VRK2: variants seen among roughly 807,000 people sequenced by gnomAD.
VRK2 encodes the protein VRK serine/threonine kinase 2.
Under a neutral mutation model 57.6 loss-of-function variants are expected in VRK2, and 60 were observed. The observed-to-expected ratio is 1.04, with a 90% confidence interval of 0.85 to 1.29. The LOEUF (loss-of-function observed/expected upper bound fraction) is 1.29, where lower values mean the gene tolerates loss of function less well. Among genes scored for constraint, VRK2 ranks in the 50% most tolerant of loss-of-function variants. The pLI, the probability that VRK2 is intolerant of heterozygous loss-of-function variation, is 0.00. For missense variants in VRK2, 705 were observed against 588.1 expected (o/e 1.20, Z -2.06); for synonymous variants, 231 against 199.2 (o/e 1.16, Z -1.35).
intron 1 of VRK2, among the ~76,000 whole-genome samples, chr2:57,923,415 AG>A (rs1257357370): frequency 6.6e-6 from 1 of 151,940 alleles, no homozygotes; most frequent in African/African-American, 2.4e-5. Context: ...TTTAGATAAA[AG>A]TCATTTTAAC....
chr2:58,047,161 G>C (rs1481362335), intron 1 of VRK2: 1 of 303,976 alleles, frequency 3.3e-6, no homozygotes, highest in African/African-American at 2.3e-5. Flanking sequence ...CCGGTGCAGA[G>C]AGAACTTGTG....
At chr2:57,936,513 GTTTTGTTTTGTTT>G (rs1323702141) in intron 1 of VRK2, among the ~76,000 whole-genome samples, 4 of 140,958 alleles carry the variant, frequency 2.8e-5, no homozygotes, top group African/African-American at 1.1e-4. Context: ...TTTTTGTTTT[GTTTTGTTTTGTTT>G]TTTTGTTTTT....
chr2:58,109,610 C>G (rs2104401855), intron 7 of VRK2, among the ~76,000 whole-genome samples: 1 of 152,274 alleles, frequency 6.6e-6, no homozygotes, highest in South Asian at 2.1e-4. Context: ...GGGTGAAAAG[C>G]CCCTTATAAA....
At chr2:58,036,632 G>A (rs969369480) in intron 3 of VRK2, among the ~76,000 whole-genome samples, 1 of 151,820 alleles carries the variant, frequency 6.6e-6, no homozygotes, top group African/African-American at 2.4e-5. Context: ...CAAAAAAAAT[G>A]TAGTTTAGAA....
chr2:58,041,371 A>G (rs1377492748), intron 3 of VRK2, among the ~76,000 whole-genome samples: 3 of 152,188 alleles, frequency 2.0e-5, no homozygotes, highest in African/African-American at 7.2e-5. Context: ...AGCCAAGGAC[A>G]TTCCAAAGTT....
intron 7 of VRK2, among the ~76,000 whole-genome samples, chr2:58,103,158 C>T (rs971606892): frequency 6.6e-6 from 1 of 151,296 alleles, no homozygotes; most frequent in Non-Finnish European, 1.5e-5. Context: ...CCAAACATCA[C>T]ATCTCAAAAA....
chr2:57,956,424 T>C (rs1303123243), intron 1 of VRK2, among the ~76,000 whole-genome samples: 1 of 152,154 alleles, frequency 6.6e-6, no homozygotes, highest in African/African-American at 2.4e-5. Flanking sequence ...ATAGTATTCA[T>C]TCGTTTTGCA....
intron 8 of VRK2, among the ~76,000 whole-genome samples, chr2:58,130,617 G>A (rs1412784415): frequency 6.6e-6 from 1 of 152,146 alleles, no homozygotes; most frequent in African/African-American, 2.4e-5. Context: ...TGGCATCATT[G>A]TTCTTAGTAG....
At chr2:58,067,611 CTGGTTATTTTCTT>C (rs1274326164) in intron 2 of VRK2, among the ~76,000 whole-genome samples, 1 of 151,902 alleles carries the variant, frequency 6.6e-6, no homozygotes. Context: ...TCATTGACTT[CTGGTTATTTTCTT>C]TATAATTTTT....
intron 1 of VRK2, among the ~76,000 whole-genome samples, chr2:57,989,338 C>A (rs1255544145): frequency 1.3e-5 from 2 of 152,168 alleles, no homozygotes; most frequent in Admixed American, 6.5e-5. Context: ...GCTAAGCCTG[C>A]CATCTTGACA....
intron 8 of VRK2, among the ~76,000 whole-genome samples, chr2:58,125,717 A>G (rs1343615768): frequency 6.6e-6 from 1 of 152,148 alleles, no homozygotes; most frequent in African/African-American, 2.4e-5. Context: ...AGATACAGAT[A>G]TAAATATAGA....
intron 2 of VRK2, among the ~76,000 whole-genome samples, chr2:58,070,345 C>T (rs549521535): frequency 1.4e-4 from 21 of 151,920 alleles, no homozygotes; most frequent in Non-Finnish European, 3.1e-4. Flanking sequence ...CCACTGTGCC[C>T]AGGTTTTATG....
At chr2:58,134,000 A>G (rs1056770930) in intron 9 of VRK2, among the ~76,000 whole-genome samples, 9 of 152,092 alleles carry the variant, frequency 5.9e-5, no homozygotes, top group Non-Finnish European at 1.3e-4. Context: ...GGGCCCAGAG[A>G]GCAATACCCC....
At chr2:58,026,547 A>G (rs926397883) in intron 2 of VRK2, among the ~76,000 whole-genome samples, 4 of 152,158 alleles carry the variant, frequency 2.6e-5, no homozygotes, top group Non-Finnish European at 5.9e-5. Context: ...TGGCACGTGT[A>G]GCATTTTAAA....
intron 1 of VRK2, among the ~76,000 whole-genome samples, chr2:57,932,043 A>C (rs1480610065): frequency 6.6e-6 from 1 of 152,192 alleles, no homozygotes; most frequent in Non-Finnish European, 1.5e-5. Flanking sequence ...ATTTGAAATC[A>C]AGAAGTGTGA....
chr2:57,999,886 T>C (rs1572761479), intron 1 of VRK2, among the ~76,000 whole-genome samples: 1 of 152,262 alleles, frequency 6.6e-6, no homozygotes, highest in African/African-American at 2.4e-5. Context: ...CTCATGCCTA[T>C]AATCCCAGCA....
intron 7 of VRK2, among the ~76,000 whole-genome samples, chr2:58,114,710 T>G (rs1676153254): frequency 6.6e-6 from 1 of 151,634 alleles, no homozygotes; most frequent in South Asian, 2.1e-4. Flanking sequence ...ACTGAGAGCC[T>G]GAAAAACTGC....
At chr2:57,978,650 T>C (rs763017458) in intron 1 of VRK2, among the ~76,000 whole-genome samples, 4 of 150,410 alleles carry the variant, frequency 2.7e-5, no homozygotes, top group Admixed American at 1.3e-4. Flanking sequence ...TTTTTTTATA[T>C]ATTGGCTTAC....
At chr2:57,910,576 C>CT (rs571500432) in intron 1 of VRK2, among the ~76,000 whole-genome samples, 1 of 152,128 alleles carries the variant, frequency 6.6e-6, no homozygotes, top group East Asian at 1.9e-4. Flanking sequence ...AAATATTTGA[C>CT]TTTTTTATCA....
Sources: allele counts gnomAD v4.1 joint callset (sites outside exome capture counted in the v4.1 genomes callset), GRCh38; gene constraint gnomAD v4.1.1; transcripts MANE v1.5; gene names NCBI Gene and HGNC (gene_info 2026-07-23, HGNC 2026-07-21).